The following B3GALNT1 variants were observed in gnomAD, a reference collection of about 807,000 sequenced individuals.
The protein encoded by B3GALNT1 is UDP-GalNAc:beta-1,3-N-acetylgalactosaminyltransferase 1.
A neutral mutation model predicts 27.3 loss-of-function variants in B3GALNT1; 17 were observed. That is an observed-to-expected ratio of 0.62 (90% CI 0.43 to 0.94). The LOEUF (loss-of-function observed/expected upper bound fraction) is 0.94. Ranked by LOEUF, B3GALNT1 falls within the 40% of genes least tolerant of loss-of-function variation. B3GALNT1 has a pLI of 0.00. For synonymous variants in B3GALNT1, 141 were observed against 144.0 expected (o/e 0.98, Z 0.15); for missense variants, 347 against 390.0 (o/e 0.89, Z 0.93).
chr3:161,091,967 G>A (rs763507166), intron 4 of B3GALNT1, among the ~76,000 whole-genome samples: 9 of 152,184 alleles, frequency 5.9e-5, no homozygotes, highest in Non-Finnish European at 1.2e-4. Flanking sequence ...GTAACACCAC[G>A]AAGATTACTT....
At chr3:161,097,707 T>C (rs547569321) in intron 4 of B3GALNT1, among the ~76,000 whole-genome samples, 59 of 152,290 alleles carry the variant, frequency 3.9e-4, no homozygotes, top group Middle Eastern at 3.4e-3. Flanking sequence ...TCATTTTTTC[T>C]GGGAACCACT....
chr3:161,096,952 G>A (rs773380584), intron 4 of B3GALNT1, among the ~76,000 whole-genome samples: 2 of 152,182 alleles, frequency 1.3e-5, no homozygotes, highest in Non-Finnish European at 2.9e-5. Flanking sequence ...CTGCCAAAGC[G>A]AGCACCAGGT....
At chr3:161,088,058 C>T (rs1722961021) in intron 4 of B3GALNT1, among the ~76,000 whole-genome samples, 1 of 152,100 alleles carries the variant, frequency 6.6e-6, no homozygotes, top group African/African-American at 2.4e-5. Context: ...CTGGAATTAA[C>T]TATGGAGGAC....
At chr3:161,088,569 C>G (rs918011258) in intron 4 of B3GALNT1, among the ~76,000 whole-genome samples, 1 of 152,176 alleles carries the variant, frequency 6.6e-6, no homozygotes, top group African/African-American at 2.4e-5. Flanking sequence ...CAGAAAAAAA[C>G]CTGAAATGGA....
At chr3:161,104,693 C>CT (rs760276549) in intron 1 of B3GALNT1, 94 of 203,874 alleles carry the variant, frequency 4.6e-4, no homozygotes, top group Non-Finnish European at 8.5e-4. Flanking sequence ...TTTCACATTC[C>CT]TTCCCAATCC....
chr3:161,101,363 A>G, intron 3 of B3GALNT1, 130 bp from the exon 4 acceptor site: 1 of 444,072 alleles, frequency 2.3e-6, no homozygotes, highest in Non-Finnish European at 4.2e-6. Context: ...GAGCTGCTGC[A>G]GTTAACATTT....
At chr3:161,101,974 T>C (rs570229027) in intron 3 of B3GALNT1, among the ~76,000 whole-genome samples, 7 of 152,336 alleles carry the variant, frequency 4.6e-5, no homozygotes, top group Admixed American at 1.3e-4. Context: ...ACAGGAGGAC[T>C]TGTGTATTCT....
Position 161,086,331 on chromosome 3 carries a change from C to T in B3GALNT1, c.424G>A (p.Asp142Asn). The T allele has an allele frequency of 6.2e-7, 1 of 1,614,162 alleles. No individual in the cohort carries two copies. Among genetic ancestry groups the T allele is most frequent in the Non-Finnish European group, 8.5e-7 (1 of 1,180,032 alleles). ...SLEDEHLLYG[D>N]IIRQDFLDTY... ...TCTAAAAAATCTTGTCGGATTATGT[C>T]ACCATAAAGAAGGTGTTCATCCTCT... The change falls in exon 5 of 5, where the codon GAC (aspartate) becomes AAC (asparagine). Residue 142 changes from aspartate to asparagine, a missense_variant. By Grantham distance (23) the Asp-to-Asn change is conservative (BLOSUM62 1). Coordinates refer to ENST00000320474, the MANE Select transcript of B3GALNT1 (RefSeq NM_003781.4).
rs151025209 is a variant in B3GALNT1, at chr3:161,101,330, T to C, written c.-129-97A>G. On this transcript the variant is annotated intron_variant, in intron 3 of 4. Transcript: ENST00000320474. ...GTCTGTTTTGTTACAAAGAGCTTTA[T>C]CCACTGGAGGAAGAGTATCGGGGAG... 4.2e-5 allele frequency: 28 copies of C among 659,316 alleles called. No homozygotes were observed. In the East Asian group the frequency reaches 1.8e-3, roughly 42 times the overall value. The allele number at this position is 659,316 out of a possible 1,614,324, so 40.8% of individuals were successfully genotyped here.
chr3:161,092,819 T>C (rs1725996698), intron 4 of B3GALNT1, among the ~76,000 whole-genome samples: 2 of 139,694 alleles, frequency 1.4e-5, no homozygotes, highest in African/African-American at 5.5e-5. Context: ...CAGGCTGGAG[T>C]GCAGTGGTGC....
At chr3:161,100,612 T>A (rs1021096885) in intron 4 of B3GALNT1, among the ~76,000 whole-genome samples, 1 of 152,228 alleles carries the variant, frequency 6.6e-6, no homozygotes, top group African/African-American at 2.4e-5. Flanking sequence ...TCCCTGTATA[T>A]GGGAATCTCT....
At chr3:161,092,751 A>C (rs953217178) in intron 4 of B3GALNT1, among the ~76,000 whole-genome samples, 6 of 146,830 alleles carry the variant, frequency 4.1e-5, no homozygotes, top group Non-Finnish European at 9.0e-5. Flanking sequence ...CCTTCTCAAA[A>C]GTTTCATTTT....
chr3:161,099,576 G>A (rs540172655), intron 4 of B3GALNT1, among the ~76,000 whole-genome samples: 27 of 152,332 alleles, frequency 1.8e-4, no homozygotes, highest in Admixed American at 1.2e-3. Context: ...GGGAGGCCAA[G>A]TCATTGAATT....
chr3:161,104,277 A>C, intron 2 of B3GALNT1, 42 bp downstream of exon 2: 1 of 1,281,230 alleles, frequency 7.8e-7, no homozygotes, highest in Non-Finnish European at 1.0e-6. Flanking sequence ...AAGCTAAAAA[A>C]CTTGTTCCCA....
rs1317950337 is a variant in B3GALNT1 at position 161,086,661 on chromosome 3, C to G, written c.94G>C (p.Val32Leu). 2 of 1,614,162 alleles carry G rather than the reference C, an allele frequency of 1.2e-6. No homozygotes were observed. Among genetic ancestry groups the G allele is most frequent in the Non-Finnish European group, 1.7e-6 (2 of 1,180,038 alleles). Reference sequence around the variant, plus strand: ...TGGGGAAGGCTGAGGTACCACATCACAAAGAAACTCAGGAGTGACAGCAGC... The same window carrying G: ...TGGGGAAGGCTGAGGTACCACATCAGAAAGAAACTCAGGAGTGACAGCAGC... ...LLLLSLLSFF[V>L]MWYLSLPHYN... is the part of the protein sequence containing the mutation. Residue 32 changes from valine (V) to leucine (L), a missense_variant, in exon 5 of 5, where the codon GTG becomes CTG. By Grantham distance (32) the Val-to-Leu change is conservative. Coordinates refer to ENST00000320474, the MANE Select transcript of B3GALNT1 (RefSeq NM_003781.4).
chr3:161,099,422 C>A (rs952328582), intron 4 of B3GALNT1, among the ~76,000 whole-genome samples: 6 of 152,314 alleles, frequency 3.9e-5, no homozygotes, highest in Middle Eastern at 3.4e-3. Context: ...GAAAAACCAG[C>A]TGCACAAGGG....
chr3:161,093,284 C>T (rs567190087), intron 4 of B3GALNT1, among the ~76,000 whole-genome samples: 1 of 152,174 alleles, frequency 6.6e-6, no homozygotes, highest in Non-Finnish European at 1.5e-5. Flanking sequence ...CAAAATATCA[C>T]ATGTACTTTA....
intron 4 of B3GALNT1, among the ~76,000 whole-genome samples, chr3:161,099,650 G>A (rs1181032852): frequency 1.3e-5 from 2 of 152,156 alleles, no homozygotes; most frequent in African/African-American, 2.4e-5. Context: ...GGCACCATCT[G>A]GCCCTACCAG....
At chr3:161,087,273 C>T (rs919020425) in intron 4 of B3GALNT1, among the ~76,000 whole-genome samples, 3 of 152,144 alleles carry the variant, frequency 2.0e-5, no homozygotes, top group African/African-American at 4.8e-5. Flanking sequence ...TGTTCTGATA[C>T]GGATTCTAGC....
Sources: gnomAD v4.1 joint callset for allele counts (sites outside exome capture counted in the v4.1 genomes callset) on GRCh38, gnomAD v4.1.1 for gene constraint, MANE v1.5 for transcripts, NCBI Gene and HGNC (gene_info 2026-07-23, HGNC 2026-07-21) for gene names.